Variants in SND1 observed in about 807,000 individuals in gnomAD.
SND1 encodes the protein staphylococcal nuclease domain-containing protein 1.
In SND1, 38 loss-of-function variants were observed where a neutral mutation model predicts 121.7. That is an observed-to-expected ratio of 0.31 (90% CI 0.24 to 0.41). The LOEUF is 0.41. SND1 is among the 10% of genes least tolerant of loss of function. The pLI, the probability that SND1 is intolerant of heterozygous loss-of-function variation, is 1.00. For missense variants in SND1, 868 were observed against 1,184.6 expected (o/e 0.73, Z 3.92); for synonymous variants, 401 against 447.4 (o/e 0.90, Z 1.31).
In SND1 at chr7:128,081,455, T is replaced by G. The variant is rs322825; in HGVS notation, c.2064T>G (p.Thr688=). The G allele has an allele frequency of 6.8e-6, 11 of 1,613,470 alleles. No homozygotes were observed. The Admixed American group carries it at 1.5e-4, about 22-fold the overall frequency. Residue 688 remains threonine, a synonymous_variant, in exon 18 of 24, where the codon ACT becomes ACG. Transcript: ENST00000354725. Reference sequence around the variant, plus strand: ...CTAGCTACAAGCCCGTGTTTGTGACTGAGATCACTGATGACCTGCACTTCT... The same window carrying G: ...CTAGCTACAAGCCCGTGTTTGTGACGGAGATCACTGATGACCTGCACTTCT... The part of the protein sequence containing the change: ...RSASYKPVFV[T]EITDDLHFYV...
chr7:127,937,435 C>T (rs551124140), intron 15 of SND1, among the ~76,000 whole-genome samples: 5 of 152,044 alleles, frequency 3.3e-5, no homozygotes, highest in South Asian at 2.1e-4. Context: ...CCTCTCTTTC[C>T]GTCTCCCAAC....
Position 127,814,357 on chromosome 7 carries a change from T to C in SND1, c.1242+6784T>C, listed in dbSNP as rs1798390346. On this transcript the variant is annotated intron_variant, in intron 11 of 23. Transcript: ENST00000354725. ...ATAACCCTTATGTGCCAAAAAACCCTATAAAATGTGCTGAATTGCAAATCT... is the reference window on the plus strand; with the variant it reads ...ATAACCCTTATGTGCCAAAAAACCCCATAAAATGTGCTGAATTGCAAATCT... Among the ~76,000 whole-genome samples, 3 of 152,144 alleles carry C rather than the reference T, an allele frequency of 2.0e-5. No homozygotes were observed. In the South Asian group the frequency reaches 6.2e-4, roughly 31 times the overall value.
At chr7:127,959,697 C>T (rs541224728) in intron 15 of SND1, among the ~76,000 whole-genome samples, 2 of 152,220 alleles carry the variant, frequency 1.3e-5, no homozygotes, top group African/African-American at 4.8e-5. Context: ...TGTCACCATC[C>T]AACATGGTAT....
At chr7:127,920,775 C>T (rs1800686047) in intron 14 of SND1, among the ~76,000 whole-genome samples, 1 of 149,466 alleles carries the variant, frequency 6.7e-6, no homozygotes, top group South Asian at 2.1e-4. Context: ...TTTATCCTAA[C>T]TAGGTATATT....
chr7:127,760,949 G>C (rs1797295378), intron 10 of SND1, among the ~76,000 whole-genome samples: 1 of 152,160 alleles, frequency 6.6e-6, no homozygotes, highest in African/African-American at 2.4e-5. Flanking sequence ...TAGATCCTCA[G>C]AATTCTGGTT....
chr7:127,857,837 C>G, intron 12 of SND1: 2 of 996,180 alleles, frequency 2.0e-6, no homozygotes, highest in Admixed American at 3.4e-5. Flanking sequence ...AAACTAGGTC[C>G]CCAGCAGTCT....
At chr7:127,734,960 A>G (rs1207178480) in intron 10 of SND1, among the ~76,000 whole-genome samples, 1 of 152,186 alleles carries the variant, frequency 6.6e-6, no homozygotes, top group African/African-American at 2.4e-5. Flanking sequence ...GGCCAAGGGC[A>G]TTCTTTTTGT....
chr7:127,816,120 A>G (rs975243863), intron 11 of SND1, among the ~76,000 whole-genome samples: 2 of 152,180 alleles, frequency 1.3e-5, no homozygotes, highest in Non-Finnish European at 2.9e-5. Flanking sequence ...TCCTTGAAGC[A>G]TGAACACTGA....
chr7:127,977,540 A>C (rs1416818984), intron 15 of SND1, among the ~76,000 whole-genome samples: 1 of 152,226 alleles, frequency 6.6e-6, no homozygotes, highest in Non-Finnish European at 1.5e-5. Context: ...ATTGTGTTTT[A>C]GGAAGATTAA....
chr7:127,676,013 G>T (rs1424939643), intron 1 of SND1, among the ~76,000 whole-genome samples: 2 of 152,132 alleles, frequency 1.3e-5, no homozygotes, highest in Admixed American at 6.5e-5. Context: ...GTTCCTTCAT[G>T]GTAAAGTTTT....
chr7:127,696,221 C>T (rs1283293889), intron 3 of SND1, among the ~76,000 whole-genome samples: 1 of 152,128 alleles, frequency 6.6e-6, no homozygotes, highest in Non-Finnish European at 1.5e-5. Flanking sequence ...TAACAGTATT[C>T]TGCTAAGACT....
At chr7:127,719,542 G>A (rs1318264575) in intron 9 of SND1, among the ~76,000 whole-genome samples, 1 of 152,128 alleles carries the variant, frequency 6.6e-6, no homozygotes, top group African/African-American at 2.4e-5. Flanking sequence ...TGAATTTTGG[G>A]TTCTGGCTCT....
At chr7:127,691,183 A>G (rs1795906974) in intron 2 of SND1, among the ~76,000 whole-genome samples, 1 of 151,938 alleles carries the variant, frequency 6.6e-6, no homozygotes, top group Non-Finnish European at 1.5e-5. Flanking sequence ...TCATTTAACT[A>G]AACACCACCC....
intron 12 of SND1, among the ~76,000 whole-genome samples, chr7:127,883,020 C>G (rs944520412): frequency 2.0e-5 from 3 of 152,108 alleles, no homozygotes; most frequent in Non-Finnish European, 4.4e-5. Flanking sequence ...CTTCTCCAAA[C>G]TAAAAGAGAT....
At chr7:127,695,543 T>G (rs1432768158) in intron 3 of SND1, among the ~76,000 whole-genome samples, 1 of 152,102 alleles carries the variant, frequency 6.6e-6, no homozygotes, top group Non-Finnish European at 1.5e-5. Context: ...TTGAAAGAGA[T>G]AGTATAGGCC....
rs377697572 is a variant in SND1, at chr7:128,074,513, G to T, written c.1791G>T (p.Glu597Asp). The T allele has an allele frequency of 6.2e-7, 1 of 1,612,148 alleles. No individual in the cohort carries two copies. Among genetic ancestry groups the T allele is most frequent in the Non-Finnish European group, 8.5e-7 (1 of 1,178,680 alleles). ...ELVLQREVEV[E>D]VESMDKAGNF... Reference sequence around the variant, plus strand: ...TCTCTCTGTCCCAGGTGGAGGTGGAGGTGGAGAGCATGGACAAGGCCGGCA... The same window carrying T: ...TCTCTCTGTCCCAGGTGGAGGTGGATGTGGAGAGCATGGACAAGGCCGGCA... The change falls in exon 17 of 24, where the codon GAG becomes GAT. Residue 597 changes from glutamate to aspartate, a missense_variant. Around this residue, in one of 2 missense-constraint regions of SND1, gnomAD observed 743 missense variants for 1,071.3 expected, o/e 0.69. Coordinates refer to ENST00000354725, the MANE Select transcript of SND1 (RefSeq NM_014390.4).
intron 12 of SND1, among the ~76,000 whole-genome samples, chr7:127,850,186 G>A (rs1799138613): frequency 6.6e-6 from 1 of 152,058 alleles, no homozygotes; most frequent in African/African-American, 2.4e-5. Flanking sequence ...TTTAATCCTA[G>A]TTTGGTTTTT....
chr7:127,682,812 CT>C (rs1795750197), intron 1 of SND1, among the ~76,000 whole-genome samples: 1 of 152,232 alleles, frequency 6.6e-6, no homozygotes, highest in Admixed American at 6.5e-5. Context: ...AAACATGCCA[CT>C]TGCCTAGAAC....
At chr7:127,893,413 C>G (rs1800052746) in intron 13 of SND1, among the ~76,000 whole-genome samples, 1 of 152,068 alleles carries the variant, frequency 6.6e-6, no homozygotes, top group South Asian at 2.1e-4. Context: ...TTTAAGAATT[C>G]CTAGAAATTG....
Sources: gnomAD v4.1 joint callset for allele counts (sites outside exome capture counted in the v4.1 genomes callset) on GRCh38, gnomAD v4.1.1 for gene constraint, gnomAD v4.1.1 regional missense constraint, MANE v1.5 for transcripts, NCBI Gene and HGNC (gene_info 2026-07-23, HGNC 2026-07-21) for gene names.